The following MYBL1 variants were observed in gnomAD, a reference collection of about 807,000 sequenced individuals.
MYBL1 encodes the protein myb-related protein A.
Under a neutral mutation model 96.3 loss-of-function variants are expected in MYBL1, and 17 were observed. That is an observed-to-expected ratio of 0.18 (90% CI 0.12 to 0.26). The LOEUF is 0.26. MYBL1 is among the 10% of genes least tolerant of loss of function. MYBL1 has a pLI of 1.00. For synonymous variants in MYBL1, 282 were observed against 292.7 expected (o/e 0.96, Z 0.37); for missense variants, 701 against 882.9 (o/e 0.79, Z 2.61).
At chr8:66,577,523 G>A (rs1340767464) in intron 9 of MYBL1, among the ~76,000 whole-genome samples, 1 of 152,176 alleles carries the variant, frequency 6.6e-6, no homozygotes, top group African/African-American at 2.4e-5. Flanking sequence ...GCTTACAAGG[G>A]ACGTGAAGGA....
At chr8:66,572,444 A>G (rs1257837167) in intron 12 of MYBL1, 38 bp downstream of exon 12, 2 of 1,019,680 alleles carry the variant, frequency 2.0e-6, no homozygotes, top group Middle Eastern at 3.2e-4. Flanking sequence ...TTTTATTAAA[A>G]TTAGGAAAAT....
At chr8:66,585,314 A>G (rs1464158456) in intron 8 of MYBL1, among the ~76,000 whole-genome samples, 4 of 152,214 alleles carry the variant, frequency 2.6e-5, no homozygotes, top group Admixed American at 1.3e-4. Context: ...CTGGATATCC[A>G]TATGCAGAAA....
chr8:66,592,377 T>C, intron 8 of MYBL1, 63 bp downstream of exon 8: 1 of 1,107,710 alleles, frequency 9.0e-7, no homozygotes, highest in South Asian at 1.4e-5. Context: ...TTCTAGCTGA[T>C]AAAAATGACA....
At chr8:66,577,700 A>G (rs1363864898) in intron 9 of MYBL1, among the ~76,000 whole-genome samples, 1 of 151,284 alleles carries the variant, frequency 6.6e-6, no homozygotes, top group Non-Finnish European at 1.5e-5. Context: ...GCTACCAATG[A>G]CTTTCTTCAC....
chr8:66,576,104 G>T lies in MYBL1; in HGVS notation c.1373C>A (p.Ser458Tyr). ...GCCATCCCTAAGTTCGCTGCCTGGGGAATGACCCACTCGCATTTTTCTCTT... is the reference window on the plus strand; with the variant it reads ...GCCATCCCTAAGTTCGCTGCCTGGGTAATGACCCACTCGCATTTTTCTCTT... Reference protein sequence around the residue: ...RKKRKMRVGHSPGSELRDGSL... With the variant: ...RKKRKMRVGHYPGSELRDGSL... The change falls in exon 10 of 16, where the codon TCC (serine) becomes TAC (tyrosine). Residue 458 changes from serine (S) to tyrosine (Y), a missense_variant. Ser to Tyr is a moderately radical substitution (Grantham distance 144, BLOSUM62 -2). This residue lies in a region of MYBL1 where 396 missense variants were observed against 407.4 expected (regional missense o/e 0.97). Transcript: ENST00000522677. 1 of 1,613,954 alleles carries T rather than the reference G, an allele frequency of 6.2e-7. No individual in the cohort carries two copies. Among genetic ancestry groups the T allele is most frequent in the Non-Finnish European group, 8.5e-7 (1 of 1,179,876 alleles).
Position 66,580,326 on chromosome 8 carries a change from A to G in MYBL1, c.908T>C (p.Met303Thr). ...SFSSWSGSFLMDDNMSNTLNS... is the reference protein window; with the variant it reads ...SFSSWSGSFLTDDNMSNTLNS... Reference sequence around the variant, plus strand: ...TAGAGTATTAGACATGTTATCATCCATGAGGAAACTACCAGACCAGCTAGA... The same window carrying G: ...TAGAGTATTAGACATGTTATCATCCGTGAGGAAACTACCAGACCAGCTAGA... Residue 303 changes from methionine to threonine, a missense_variant, in exon 9 of 16, where the codon ATG becomes ACG. Transcript: ENST00000522677. The G allele has an allele frequency of 6.2e-7, 1 of 1,612,704 alleles. No homozygotes were observed. The highest frequency in any genetic ancestry group is 2.2e-5 in the East Asian group (1 of 44,854).
At chr8:66,575,430 T>C (rs1016515174) in intron 10 of MYBL1, among the ~76,000 whole-genome samples, 2 of 152,204 alleles carry the variant, frequency 1.3e-5, no homozygotes, top group Non-Finnish European at 2.9e-5. Context: ...GGGCTTGTTT[T>C]CTGATGAGTT....
chr8:66,571,853 G>A (rs1808742067), intron 12 of MYBL1, among the ~76,000 whole-genome samples: 1 of 151,244 alleles, frequency 6.6e-6, no homozygotes, highest in African/African-American at 2.4e-5. Context: ...ACTCCATCCT[G>A]GTGACAGAGC....
intron 3 of MYBL1, among the ~76,000 whole-genome samples, chr8:66,601,326 G>A (rs1032105286): frequency 6.6e-6 from 1 of 151,902 alleles, no homozygotes; most frequent in Admixed American, 6.6e-5. Context: ...GTAAGCCTCA[G>A]ATGATAAGCT....
chr8:66,591,346 C>CAA (rs879848776), intron 8 of MYBL1, among the ~76,000 whole-genome samples: 21 of 142,068 alleles, frequency 1.5e-4, no homozygotes, highest in African/African-American at 4.9e-4. Context: ...AACTCTGTCT[C>CAA]AAAAAAAAAA....
intron 1 of MYBL1, among the ~76,000 whole-genome samples, chr8:66,607,298 T>C (rs1031126459): frequency 2.0e-5 from 3 of 152,186 alleles, no homozygotes; most frequent in African/African-American, 7.2e-5. Context: ...CCGAATCAGA[T>C]AAAACACCAC....
At chr8:66,575,966 T>A in intron 10 of MYBL1, 41 bp downstream of exon 10, 1 of 1,566,540 alleles carries the variant, frequency 6.4e-7, no homozygotes, top group Non-Finnish European at 8.7e-7. Flanking sequence ...TTAATGTAAC[T>A]CATTGACATT....
intron 1 of MYBL1, among the ~76,000 whole-genome samples, chr8:66,603,819 T>C (rs1299433625): frequency 6.6e-6 from 1 of 152,050 alleles, no homozygotes; most frequent in East Asian, 1.9e-4. Flanking sequence ...GACCATATTA[T>C]TGGATAAGAA....
At chr8:66,591,379 C>T (rs765691164) in intron 8 of MYBL1, among the ~76,000 whole-genome samples, 30 of 151,908 alleles carry the variant, frequency 2.0e-4, no homozygotes, top group Non-Finnish European at 3.8e-4. Flanking sequence ...AATTTAAAAA[C>T]CTAAGAAAAG....
At chr8:66,575,682 TG>T (rs987167725) in intron 10 of MYBL1, among the ~76,000 whole-genome samples, 1 of 151,638 alleles carries the variant, frequency 6.6e-6, no homozygotes, top group Admixed American at 6.6e-5. Flanking sequence ...CCAGGCTACT[TG>T]GGGGGCTGAG....
intron 9 of MYBL1, among the ~76,000 whole-genome samples, chr8:66,577,685 A>G (rs1438159832): frequency 6.6e-6 from 1 of 152,132 alleles, no homozygotes; most frequent in African/African-American, 2.4e-5. Context: ...TGCCATCCCC[A>G]TCAAGCTACC....
Position 66,580,254 on chromosome 8 carries a change from T to C in MYBL1, c.980A>G (p.Asn327Ser), listed in dbSNP as rs773358120. ...HTSEFYSMDE[N>S]QPVSAQQNSP... The stretch of plus-strand genomic sequence containing the variant: ...ATTCTGCTGAGCAGACACAGGCTGA[T>C]TTTCATCCATACTGTAAAACTCACT... The change falls in exon 9 of 16, where the codon AAT becomes AGT. Residue 327 changes from asparagine (N) to serine (S), a missense_variant. Physicochemically the swap from Asn to Ser is conservative, Grantham distance 46 (BLOSUM62 1). Coordinates refer to ENST00000522677, the MANE Select transcript of MYBL1 (RefSeq NM_001080416.4). 6.2e-7 allele frequency: 1 copy of C among 1,613,776 alleles called. No homozygotes were observed. Among genetic ancestry groups the C allele is most frequent in the East Asian group, 2.2e-5 (1 of 44,900 alleles).
intron 6 of MYBL1, among the ~76,000 whole-genome samples, chr8:66,595,071 C>T (rs1809797485): frequency 6.6e-6 from 1 of 152,084 alleles, no homozygotes; most frequent in Non-Finnish European, 1.5e-5. Context: ...TCGTGTAATA[C>T]CTACTTTAAT....
Position 66,572,519 on chromosome 8 carries a change from G to A in MYBL1, c.1691C>T (p.Ala564Val), listed in dbSNP as rs1808777747. ...AGGTCCATATTTTTTCTCCTGAGCA[G>A]CAAGCGCATTCTTAAAAGGAGTAGG... The part of the protein sequence containing the change: ...RTPTPFKNAL[A>V]AQEKKYGPLK... The change falls in exon 12 of 16, where the codon GCT (alanine) becomes GTT (valine). Residue 564 changes from alanine (A) to valine (V), a missense_variant. Transcript: ENST00000522677. The A allele has an allele frequency of 6.2e-7, 1 of 1,601,450 alleles. No homozygotes were observed. Among genetic ancestry groups the A allele is most frequent in the Non-Finnish European group, 8.5e-7 (1 of 1,171,592 alleles).
Sources: gnomAD v4.1 joint callset for allele counts (sites outside exome capture counted in the v4.1 genomes callset) on GRCh38, gnomAD v4.1.1 for gene constraint, gnomAD v4.1.1 regional missense constraint, MANE v1.5 for transcripts, NCBI Gene and HGNC (gene_info 2026-07-23, HGNC 2026-07-21) for gene names.